RAPGEF5: variants seen among roughly 807,000 people sequenced by gnomAD.
RAPGEF5 encodes the protein Rap guanine nucleotide exchange factor 5.
Under a neutral mutation model 125.2 loss-of-function variants are expected in RAPGEF5, and 65 were observed. That is an observed-to-expected ratio of 0.52 (90% CI 0.43 to 0.64). The LOEUF is 0.64. RAPGEF5 is among the 30% of genes least tolerant of loss of function. The probability of loss-of-function intolerance (pLI) is 0.00; values close to 1 mark genes in which losing one functional copy is unlikely to be tolerated. For synonymous variants in RAPGEF5, 391 were observed against 385.9 expected, an observed-to-expected ratio of 1.01 and a Z score of -0.16; for missense variants, 958 against 1,048.1, an observed-to-expected ratio of 0.91 and a Z score of 1.19.
rs1783275415 is a variant in RAPGEF5, at chr7:22,304,068, C to T, written c.680+4271G>A. Among the ~76,000 whole-genome samples the T allele has an allele frequency of 2.0e-5, 3 of 152,250 alleles. No homozygotes were observed. In the South Asian group the frequency reaches 6.2e-4, roughly 32 times the overall value. On this transcript the variant is annotated intron_variant, in intron 5 of 25. Coordinates refer to ENST00000665637, the MANE Select transcript of RAPGEF5 (RefSeq NM_012294.5). ...AGGACAATGTCCATGGACATCTTTT[C>T]TCTGATCACAGTATATTCCAAGTCT... is the stretch of plus-strand genomic sequence containing the variant.
At chr7:22,172,149 G>A (rs1007244175) in intron 11 of RAPGEF5, among the ~76,000 whole-genome samples, 13 of 151,882 alleles carry the variant, frequency 8.6e-5, no homozygotes, top group African/African-American at 3.1e-4. Context: ...TTGAGATGGA[G>A]TCTCACTCTG....
chr7:22,233,596 G>A (rs760731675), intron 7 of RAPGEF5, among the ~76,000 whole-genome samples: 5 of 152,072 alleles, frequency 3.3e-5, no homozygotes, highest in Admixed American at 6.5e-5. Flanking sequence ...ACAGTTGCAC[G>A]ATCATGCCTC....
At chr7:22,304,782 T>C (rs1350001870) in intron 5 of RAPGEF5, among the ~76,000 whole-genome samples, 11 of 152,206 alleles carry the variant, frequency 7.2e-5, no homozygotes, top group Admixed American at 6.5e-5. Flanking sequence ...CACTCCTTTT[T>C]AGGAAGCTTG....
Position 22,232,314 on chromosome 7 carries a change from C to CT in RAPGEF5, c.797-1396dup, listed in dbSNP as rs5882838. The stretch of plus-strand genomic sequence containing the variant: ...GATTCAGTTTACATTATTCTGTGTG[C>CT]TTTTTTTTTTTTTTTTTGAGATGAA... On this transcript the variant is annotated intron_variant, in intron 7 of 25. Transcript: ENST00000665637. 5.9e-3 allele frequency among the ~76,000 whole-genome samples: 820 copies of CT among 139,326 alleles called. 4 individuals are homozygous for CT. The highest frequency in any genetic ancestry group is 9.2e-3 in the African/African-American group (349 of 37,916). The allele number at this position is 139,326 out of a possible 152,430, so 91.4% of individuals were successfully genotyped here.
intron 3 of RAPGEF5, among the ~76,000 whole-genome samples, chr7:22,312,958 T>C (rs1298824545): frequency 1.3e-5 from 2 of 152,192 alleles, no homozygotes; most frequent in South Asian, 2.1e-4. Context: ...AAAAGAGAGA[T>C]GGTTGGAACA....
At chr7:22,234,881 T>A (rs904195802) in intron 7 of RAPGEF5, among the ~76,000 whole-genome samples, 1 of 152,156 alleles carries the variant, frequency 6.6e-6, no homozygotes, top group African/African-American at 2.4e-5. Context: ...ATTATAATAA[T>A]AATACTTAAA....
rs186421303 is a variant in RAPGEF5 at position 22,181,614 on chromosome 7, T to C, written c.1204+11753A>G. ...TGTCACTATTTAGATTATGACAAGA[T>C]GTTCTGGGATTTTGGTTGTTGTTGT... On this transcript the variant is annotated intron_variant, in intron 11 of 25. Transcript: ENST00000665637. Among the ~76,000 whole-genome samples, 462 of 152,318 alleles carry C rather than the reference T, an allele frequency of 3.0e-3. 6 individuals are homozygous for C. Among genetic ancestry groups the C allele is most frequent in the African/African-American group, 0.01 (423 of 41,560 alleles).
intron 7 of RAPGEF5, among the ~76,000 whole-genome samples, chr7:22,238,038 A>T (rs1284624764): frequency 2.0e-5 from 3 of 152,176 alleles, no homozygotes; most frequent in Admixed American, 2.0e-4. Flanking sequence ...CGTAAACTGA[A>T]GAAACCCCTG....
Position 22,338,100 on chromosome 7 carries a change from G to C in RAPGEF5, c.231+18730C>G, listed in dbSNP as rs142096806. 5.0e-3 allele frequency among the ~76,000 whole-genome samples: 762 copies of C among 152,322 alleles called. 11 individuals are homozygous for C. The highest frequency in any genetic ancestry group is 0.031 in the South Asian group (152 of 4,828). On this transcript the variant is annotated intron_variant, in intron 1 of 25. Transcript: ENST00000665637. ...GTCTTCATTAGAAGGATACTTACCT[G>C]CTGCATTTCATTTGAACTAGTGGAT...
chr7:22,242,063 A>C (rs906000508), intron 7 of RAPGEF5, among the ~76,000 whole-genome samples: 1 of 152,186 alleles, frequency 6.6e-6, no homozygotes, highest in African/African-American at 2.4e-5. Flanking sequence ...TGTGGGAAGA[A>C]GGGTGACAAG....
chr7:22,273,498 G>A lies in RAPGEF5; in HGVS notation c.748-6486C>T, dbSNP rs533550691. ...CTCCCAAAGTGCTGGGATTACAGGC[G>A]TGAGCCACCGCGCCCGGCCAGGGGT... On this transcript the variant is annotated intron_variant, in intron 6 of 25. Transcript: ENST00000665637. Among the ~76,000 whole-genome samples the A allele has an allele frequency of 3.7e-4, 56 of 152,302 alleles. No individual in the cohort carries two copies. In the East Asian group the frequency reaches 7.9e-3, roughly 22 times the overall value.
At chr7:22,213,694 C>T (rs1381999827) in intron 9 of RAPGEF5, among the ~76,000 whole-genome samples, 2 of 152,186 alleles carry the variant, frequency 1.3e-5, no homozygotes, top group African/African-American at 4.8e-5. Context: ...GGTGATTTCT[C>T]AGTTTATAAT....
intron 14 of RAPGEF5, 76 bp downstream of exon 14, chr7:22,160,442 A>G: frequency 2.9e-6 from 4 of 1,396,858 alleles, no homozygotes; most frequent in Non-Finnish European, 3.9e-6. Context: ...ACTTTTATGT[A>G]TAAGGCATTC....
chr7:22,135,478 A>G (rs1783051033), intron 23 of RAPGEF5, among the ~76,000 whole-genome samples: 1 of 152,212 alleles, frequency 6.6e-6, no homozygotes. Flanking sequence ...TTTGGTGCTT[A>G]GTGGGGAGTG....
At chr7:22,174,511 G>T (rs945948711) in intron 11 of RAPGEF5, among the ~76,000 whole-genome samples, 8 of 152,136 alleles carry the variant, frequency 5.3e-5, no homozygotes, top group African/African-American at 1.9e-4. Context: ...TCACCCTTCT[G>T]CTCTGGCAGT....
intron 6 of RAPGEF5, among the ~76,000 whole-genome samples, chr7:22,269,937 C>A (rs1351975766): frequency 6.6e-6 from 1 of 152,138 alleles, no homozygotes; most frequent in East Asian, 1.9e-4. Flanking sequence ...AGGGAAAGGA[C>A]ACAAACCTTC....
chr7:22,235,655 T>C (rs1417254639), intron 7 of RAPGEF5, among the ~76,000 whole-genome samples: 1 of 152,162 alleles, frequency 6.6e-6, no homozygotes, highest in Non-Finnish European at 1.5e-5. Context: ...CCATAGTGTT[T>C]CCAGGCCACA....
chr7:22,344,857 A>C (rs1036965741), intron 1 of RAPGEF5, among the ~76,000 whole-genome samples: 4 of 152,220 alleles, frequency 2.6e-5, no homozygotes, highest in Admixed American at 2.6e-4. Flanking sequence ...AGAGTCCTCT[A>C]TTTGGGTCTG....
chr7:22,270,145 A>G (rs1462881197), intron 6 of RAPGEF5, among the ~76,000 whole-genome samples: 1 of 152,224 alleles, frequency 6.6e-6, no homozygotes, highest in African/African-American at 2.4e-5. Context: ...AAGGCGAACA[A>G]TGAATGTTAA....
Sources: allele counts gnomAD v4.1 joint callset (sites outside exome capture counted in the v4.1 genomes callset), GRCh38; gene constraint gnomAD v4.1.1; transcripts MANE v1.5; gene names NCBI Gene and HGNC (gene_info 2026-07-23, HGNC 2026-07-21).